MTMR2: variants seen among roughly 807,000 people sequenced by gnomAD.
MTMR2 encodes the protein phosphatidylinositol-3,5-bisphosphate 3-phosphatase MTMR2.
In MTMR2, 55 loss-of-function variants were observed where a neutral mutation model predicts 86.9. The observed-to-expected ratio is 0.63, with a 90% CI of 0.51 to 0.79. The LOEUF is 0.79. MTMR2 is among the 30% of genes least tolerant of loss of function. MTMR2 has a pLI of 0.00. For missense variants in MTMR2, 659 were observed against 772.3 expected (o/e 0.85, Z 1.74); for synonymous variants, 241 against 266.8 (o/e 0.90, Z 0.94).
chr11:95,836,145 T>C lies in MTMR2; in HGVS notation c.1770+3A>G, dbSNP rs756909627. On this transcript the variant is annotated splice_donor_region_variant and intron_variant, in intron 14 of 14. Transcript: ENST00000346299. ...CTCCCATTGTATATTGTAAGGCACA[T>C]ACCTGTGGTTTCATCCGTGGATTCC... is the stretch of plus-strand genomic sequence containing the variant. The C allele has an allele frequency of 5.0e-6, 8 of 1,611,908 alleles. No homozygotes were observed. Among genetic ancestry groups the C allele is most frequent in the African/African-American group, 1.3e-5 (1 of 74,794 alleles).
intron 1 of MTMR2, among the ~76,000 whole-genome samples, chr11:95,914,618 C>A (rs1168377861): frequency 7.0e-6 from 1 of 142,518 alleles, no homozygotes; most frequent in Non-Finnish European, 1.6e-5. Context: ...AGGTAAAATT[C>A]TCTCCAAATA....
At chr11:95,887,844 A>C (rs1865568578) in intron 2 of MTMR2, 1 of 340,758 alleles carries the variant, frequency 2.9e-6, no homozygotes, top group African/African-American at 2.2e-5. Flanking sequence ...CACACAGTAC[A>C]TATTCAATAA....
At chr11:95,871,923 G>C (rs1864904567) in intron 2 of MTMR2, among the ~76,000 whole-genome samples, 1 of 152,146 alleles carries the variant, frequency 6.6e-6, no homozygotes, top group African/African-American at 2.4e-5. Flanking sequence ...AAGGTGTAAG[G>C]AAGGGATCCA....
intron 1 of MTMR2, among the ~76,000 whole-genome samples, chr11:95,897,186 T>C (rs1021905924): frequency 3.3e-5 from 5 of 152,034 alleles, no homozygotes; most frequent in African/African-American, 1.2e-4. Context: ...GACTTAAAGG[T>C]TAAGAATCTT....
chr11:95,893,539 C>A (rs1260394429), intron 1 of MTMR2, among the ~76,000 whole-genome samples: 1 of 152,104 alleles, frequency 6.6e-6, no homozygotes, highest in Non-Finnish European at 1.5e-5. Context: ...ATCCATTAGC[C>A]ACGACTGTCC....
At chr11:95,859,717 T>G (rs909079878) in intron 5 of MTMR2, among the ~76,000 whole-genome samples, 1 of 152,214 alleles carries the variant, frequency 6.6e-6, no homozygotes, top group Non-Finnish European at 1.5e-5. Context: ...ACTGATCATT[T>G]TATTTAAATG....
At position 95,848,799 on chromosome 11, in the gene MTMR2, GT is replaced by G. The variant is rs556768979; in HGVS notation, c.993+874del. Among the ~76,000 whole-genome samples the G allele has an allele frequency of 1.1e-3, 170 of 152,248 alleles. 2 individuals are homozygous for G. The highest frequency in any genetic ancestry group is 1.7e-3 in the Non-Finnish European group (116 of 68,012). ...TTCAGCTTCCTTTCTGACACTGAGA[GT>G]CTGGGAAATCGTTTGGCACAATTAT... is the stretch of plus-strand genomic sequence containing the variant. On this transcript the variant is annotated intron_variant, in intron 9 of 14. Transcript: ENST00000346299.
chr11:95,848,075 GTTC>G (rs1435041001), intron 9 of MTMR2, among the ~76,000 whole-genome samples, 176 bp from the exon 10 acceptor site: 6 of 152,276 alleles, frequency 3.9e-5, no homozygotes, highest in African/African-American at 1.4e-4. Flanking sequence ...GCTTTCTTGT[GTTC>G]TTCTTTACAA....
intron 5 of MTMR2, among the ~76,000 whole-genome samples, chr11:95,859,154 C>T (rs1376462043): frequency 1.3e-5 from 2 of 152,118 alleles, no homozygotes; most frequent in Admixed American, 6.5e-5. Context: ...TCCTAAGTCC[C>T]CTGCTACTAG....
At chr11:95,865,722 C>T (rs762877224) in intron 2 of MTMR2, 46 bp from the exon 3 acceptor site, 44 of 1,498,356 alleles carry the variant, frequency 2.9e-5, no homozygotes, top group Non-Finnish European at 4.1e-5. Flanking sequence ...TATTCAAAGG[C>T]TACTTTTTCA....
intron 1 of MTMR2, among the ~76,000 whole-genome samples, chr11:95,904,598 A>C (rs187140538): frequency 6.6e-6 from 1 of 152,286 alleles, no homozygotes; most frequent in East Asian, 1.9e-4. Flanking sequence ...GACGGAGGTG[A>C]CCTTTGGTTG....
intron 7 of MTMR2, among the ~76,000 whole-genome samples, chr11:95,852,245 T>G (rs1864048976): frequency 6.6e-6 from 1 of 152,206 alleles, no homozygotes; most frequent in South Asian, 2.1e-4. Context: ...ATGGCACAGT[T>G]TGTAATTTGG....
intron 10 of MTMR2, among the ~76,000 whole-genome samples, chr11:95,846,700 TA>T (rs770059755): frequency 2.4e-4 from 37 of 152,210 alleles, no homozygotes; most frequent in Non-Finnish European, 4.7e-4. Context: ...GCAAATTAAA[TA>T]TCTGGAGTTT....
chr11:95,888,082 A>T, intron 2 of MTMR2, 74 bp downstream of exon 2: 1 of 1,072,384 alleles, frequency 9.3e-7, no homozygotes, highest in Non-Finnish European at 1.4e-6. Flanking sequence ...CTGCTAAATT[A>T]GTTATATTGA....
intron 1 of MTMR2, among the ~76,000 whole-genome samples, chr11:95,899,360 T>C (rs1024804718): frequency 6.6e-6 from 1 of 152,102 alleles, no homozygotes; most frequent in Non-Finnish European, 1.5e-5. Context: ...AACAGGTCGT[T>C]TGAGAAGCTG....
chr11:95,841,097 A>G (rs1863526002), intron 12 of MTMR2, among the ~76,000 whole-genome samples: 1 of 152,184 alleles, frequency 6.6e-6, no homozygotes. Flanking sequence ...TAAATTTGTT[A>G]GAAGTTCTAA....
At chr11:95,901,591 G>T (rs1250641189) in intron 1 of MTMR2, among the ~76,000 whole-genome samples, 2 of 152,216 alleles carry the variant, frequency 1.3e-5, no homozygotes, top group Non-Finnish European at 2.9e-5. Context: ...CAGCCAGAGA[G>T]AGAGAGAGAA....
At chr11:95,896,218 C>T (rs73533145) in intron 1 of MTMR2, among the ~76,000 whole-genome samples, 8,413 of 152,186 alleles carry the variant, frequency 0.055, 812 homozygotes, top group African/African-American at 0.19. Flanking sequence ...GCTCCCATAG[C>T]CACTCTCATA....
chr11:95,845,686 G>A (rs1189083829), intron 10 of MTMR2, among the ~76,000 whole-genome samples: 2 of 141,618 alleles, frequency 1.4e-5, no homozygotes, highest in Non-Finnish European at 3.2e-5. Flanking sequence ...AAACTTTAGA[G>A]TGAGCTACTT....
Sources: allele counts gnomAD v4.1 joint callset (sites outside exome capture counted in the v4.1 genomes callset), GRCh38; gene constraint gnomAD v4.1.1; transcripts MANE v1.5; gene names NCBI Gene and HGNC (gene_info 2026-07-23, HGNC 2026-07-21).